The following MBNL2 variants were observed in gnomAD, a reference collection of about 807,000 sequenced individuals.
MBNL2 encodes the protein muscleblind like splicing regulator 2.
Under a neutral mutation model 41.9 loss-of-function variants are expected in MBNL2, and 17 were observed. That is an observed-to-expected ratio of 0.41 (90% CI 0.28 to 0.61). The LOEUF (loss-of-function observed/expected upper bound fraction) is 0.61, where lower values mean the gene tolerates loss of function less well. Among genes scored for constraint, MBNL2 ranks in the 20% least tolerant of loss-of-function variants. MBNL2 has a pLI of 0.35. For missense variants in MBNL2, 336 were observed against 505.6 expected (o/e 0.66, Z 3.22); for synonymous variants, 195 against 182.9 (o/e 1.07, Z -0.53).
chr13:97,290,001 G>C (rs1383920086), intron 2 of MBNL2, among the ~76,000 whole-genome samples: 2 of 152,118 alleles, frequency 1.3e-5, no homozygotes, highest in South Asian at 2.1e-4. Flanking sequence ...GATGAAATAA[G>C]GTAACTGTAT....
At chr13:97,355,338 T>G (rs2062891702) in intron 5 of MBNL2, among the ~76,000 whole-genome samples, 1 of 152,160 alleles carries the variant, frequency 6.6e-6, no homozygotes, top group Non-Finnish European at 1.5e-5. Flanking sequence ...CCATACTTTT[T>G]ATCCTGAATT....
intron 2 of MBNL2, among the ~76,000 whole-genome samples, chr13:97,319,087 G>C (rs181035332): frequency 4.6e-5 from 7 of 152,324 alleles, no homozygotes; most frequent in Admixed American, 3.9e-4. Flanking sequence ...TACAGGCAGG[G>C]TTTTCTGGAG....
intron 2 of MBNL2, among the ~76,000 whole-genome samples, chr13:97,297,603 T>C (rs1264407705): frequency 6.6e-6 from 1 of 152,130 alleles, no homozygotes; most frequent in Non-Finnish European, 1.5e-5. Context: ...GTCTCCTGCT[T>C]CCATGTTTCC....
At chr13:97,385,164 A>G (rs1274359677) in intron 8 of MBNL2, among the ~76,000 whole-genome samples, 2 of 152,112 alleles carry the variant, frequency 1.3e-5, no homozygotes, top group Non-Finnish European at 2.9e-5. Flanking sequence ...CATCCATGCA[A>G]GCAACAATTA....
the MBNL2 span, among the ~76,000 whole-genome samples, chr13:97,158,969 T>C: frequency 3.3e-5 from 5 of 150,832 alleles, no homozygotes; most frequent in East Asian, 5.8e-4. Flanking sequence ...TTCTGTCTCA[T>C]TGATCTGTCT....
At chr13:97,342,713 T>C (rs922350906) in intron 3 of MBNL2, among the ~76,000 whole-genome samples, 1 of 152,238 alleles carries the variant, frequency 6.6e-6, no homozygotes, top group African/African-American at 2.4e-5. Context: ...TAACATTTAA[T>C]AGTTTGGAAT....
intron 1 of MBNL2, among the ~76,000 whole-genome samples, chr13:97,236,815 A>G (rs1433720604): frequency 6.6e-6 from 1 of 152,220 alleles, no homozygotes; most frequent in Non-Finnish European, 1.5e-5. Flanking sequence ...GTGCTAACTA[A>G]TAATGATGCT....
the MBNL2 span, among the ~76,000 whole-genome samples, chr13:97,199,608 A>C: frequency 6.6e-6 from 1 of 152,218 alleles, no homozygotes; most frequent in Non-Finnish European, 1.5e-5. Flanking sequence ...GAGAGAGATT[A>C]CTTCTAACTA....
Position 97,380,556 on chromosome 13 carries a change from G to C in MBNL2, c.1049-10766G>C, listed in dbSNP as rs143981863. The stretch of plus-strand genomic sequence containing the variant: ...TGAGCCATGTACAGTTCAGAATTGT[G>C]GGAATACAGCAATGAAAACAGTAGT... On this transcript the variant is annotated intron_variant, in intron 8 of 8. Transcript: ENST00000679496. Among the ~76,000 whole-genome samples, 355 of 152,170 alleles carry C rather than the reference G, an allele frequency of 2.3e-3. 2 individuals carry two copies. The highest frequency in any genetic ancestry group is 7.9e-3 in the African/African-American group (326 of 41,528).
At chr13:97,316,034 C>T (rs1349734084) in intron 2 of MBNL2, among the ~76,000 whole-genome samples, 2 of 152,160 alleles carry the variant, frequency 1.3e-5, no homozygotes, top group Non-Finnish European at 2.9e-5. Context: ...ACTCTAGATT[C>T]CTGGACCCAA....
chr13:97,165,901 C>T, the MBNL2 span, among the ~76,000 whole-genome samples: 23 of 152,240 alleles, frequency 1.5e-4, no homozygotes, highest in African/African-American at 5.5e-4. Context: ...GCCTTGAAGC[C>T]TGTTTCCAAA....
At chr13:97,228,768 A>G (rs2042008341) in intron 1 of MBNL2, among the ~76,000 whole-genome samples, 1 of 151,772 alleles carries the variant, frequency 6.6e-6, no homozygotes, top group African/African-American at 2.4e-5. Context: ...GACCTCAGGT[A>G]ATCCACCCGC....
At chr13:97,301,617 G>C (rs1189079678) in intron 2 of MBNL2, among the ~76,000 whole-genome samples, 1 of 152,212 alleles carries the variant, frequency 6.6e-6, no homozygotes, top group Admixed American at 6.5e-5. Flanking sequence ...TGTGGTCCAA[G>C]AGAATTGAGT....
chr13:97,248,255 G>A (rs1327802200), intron 1 of MBNL2, among the ~76,000 whole-genome samples: 2 of 152,184 alleles, frequency 1.3e-5, no homozygotes, highest in Non-Finnish European at 2.9e-5. Context: ...CCAAGTAGCT[G>A]GGACTACAGG....
intron 8 of MBNL2, among the ~76,000 whole-genome samples, chr13:97,379,235 A>G (rs1440176873): frequency 2.6e-5 from 4 of 152,172 alleles, no homozygotes; most frequent in Non-Finnish European, 5.9e-5. Context: ...GCTTGGTGAG[A>G]ATAGCAAGAG....
At chr13:97,166,841 A>AGATAGAAAGAT in the MBNL2 span, among the ~76,000 whole-genome samples, 1 of 114,260 alleles carries the variant, frequency 8.8e-6, no homozygotes, top group Non-Finnish European at 1.8e-5. Context: ...GATAGATAGA[A>AGATAGAAAGAT]AGATAGATAG....
the MBNL2 span, among the ~76,000 whole-genome samples, chr13:97,181,073 ATCTCTCTCTCTC>A: frequency 7.2e-6 from 1 of 139,434 alleles, no homozygotes; most frequent in African/African-American, 2.7e-5. Flanking sequence ...CTTCAACTCA[ATCTCTCTCTCTC>A]TCTCTCTCTC....
intron 1 of MBNL2, among the ~76,000 whole-genome samples, chr13:97,249,980 T>G (rs544391506): frequency 6.6e-6 from 1 of 152,352 alleles, no homozygotes; most frequent in South Asian, 2.1e-4. Flanking sequence ...GGTTCCAGCT[T>G]GGCAAAGCTT....
intron 2 of MBNL2, among the ~76,000 whole-genome samples, chr13:97,310,485 A>G (rs2058495428): frequency 6.7e-6 from 1 of 148,622 alleles, no homozygotes; most frequent in Non-Finnish European, 1.5e-5. Context: ...GCTGGAGTGC[A>G]GTGGCGCGAT....
Sources: allele counts gnomAD v4.1 joint callset (sites outside exome capture counted in the v4.1 genomes callset), GRCh38; gene constraint gnomAD v4.1.1; transcripts MANE v1.5; gene names NCBI Gene and HGNC (gene_info 2026-07-23, HGNC 2026-07-21).